VPS13B: variants seen among roughly 807,000 people sequenced by gnomAD.
VPS13B encodes the protein vacuolar protein sorting 13 homolog B.
In VPS13B, 285 loss-of-function variants were observed where a neutral mutation model predicts 426.4. The ratio of observed to expected loss-of-function variants is 0.67; its 90% confidence interval spans 0.61 to 0.74. VPS13B has a LOEUF of 0.74. Ranked by LOEUF, VPS13B falls within the 30% of genes least tolerant of loss-of-function variation. The probability of loss-of-function intolerance (pLI) is 0.00; values close to 1 mark genes in which losing one functional copy is unlikely to be tolerated. For missense variants in VPS13B, 4,537 were observed against 4,782.6 expected, an observed-to-expected ratio of 0.95 and a Z score of 1.51; for synonymous variants, 1,676 against 1,676.4, an observed-to-expected ratio of 1.00 and a Z score of 0.01.
At chr8:99,422,490 G>C (rs1816431035) in intron 21 of VPS13B, among the ~76,000 whole-genome samples, 1 of 152,008 alleles carries the variant, frequency 6.6e-6, no homozygotes, top group Non-Finnish European at 1.5e-5. Flanking sequence ...TCATCGGTAG[G>C]TTTTTAAATT....
intron 19 of VPS13B, among the ~76,000 whole-genome samples, chr8:99,298,203 T>C (rs1306861121): frequency 6.6e-6 from 1 of 152,208 alleles, no homozygotes; most frequent in African/African-American, 2.4e-5. Context: ...AATATACTTT[T>C]GTCGGCCGGG....
At chr8:99,547,186 CATA>C (rs1174441181) in intron 30 of VPS13B, among the ~76,000 whole-genome samples, 1 of 152,054 alleles carries the variant, frequency 6.6e-6, no homozygotes, top group African/African-American at 2.4e-5. Context: ...CCTTCTGAAT[CATA>C]ATGTCTAAAG....
At chr8:99,594,626 A>G (rs896340076) in intron 33 of VPS13B, among the ~76,000 whole-genome samples, 5 of 151,984 alleles carry the variant, frequency 3.3e-5, no homozygotes, top group Non-Finnish European at 7.4e-5. Context: ...TTATGCTCCA[A>G]TGTCCTATTT....
intron 21 of VPS13B, among the ~76,000 whole-genome samples, chr8:99,395,050 C>A (rs929909284): frequency 1.3e-5 from 2 of 152,148 alleles, no homozygotes; most frequent in African/African-American, 4.8e-5. Context: ...ATAGGCAGTG[C>A]AGGAGTGTGA....
At position 99,102,984 on chromosome 8, in the gene VPS13B, A is replaced by G; in HGVS notation, c.444A>G (p.Val148=). 1 of 1,611,618 alleles carries G rather than the reference A, an allele frequency of 6.2e-7. No homozygotes were observed. The highest frequency in any genetic ancestry group is 8.5e-7 in the Non-Finnish European group (1 of 1,177,958). Residue 148 remains valine, a synonymous_variant, in exon 5 of 62, where the codon GTA becomes GTG. Transcript: ENST00000357162. Reference sequence around the variant, plus strand: ...TGCAGAGTCTGATTAGACGAGTTGTAAATAATGTAAACATTGTGATAAATA... The same window carrying G: ...TGCAGAGTCTGATTAGACGAGTTGTGAATAATGTAAACATTGTGATAAATA... The part of the protein sequence containing the change: ...GYVQSLIRRV[V]NNVNIVINNL...
chr8:99,614,840 A>G (rs1205819778), intron 33 of VPS13B, among the ~76,000 whole-genome samples: 1 of 152,130 alleles, frequency 6.6e-6, no homozygotes, highest in African/African-American at 2.4e-5. Flanking sequence ...CTTGCCAGCC[A>G]GATGCGGTGG....
chr8:99,839,554 G>C (rs931422062), intron 54 of VPS13B, among the ~76,000 whole-genome samples: 2 of 152,224 alleles, frequency 1.3e-5, no homozygotes, highest in Non-Finnish European at 2.9e-5. Flanking sequence ...GGCTTAAAGA[G>C]TAATCAGCTA....
Position 99,520,897 on chromosome 8 carries a change from A to G in VPS13B, c.4634-2A>G, listed in dbSNP as rs2133668102. 1 of 1,613,104 alleles carries G rather than the reference A, an allele frequency of 6.2e-7. No homozygotes were observed. Among genetic ancestry groups the G allele is most frequent in the Middle Eastern group, 1.7e-4 (1 of 6,054 alleles). ...TTCATGAATCTCCTTCTTTTGTTAC[A>G]GCTAATCAGGCAGCAAAAGAAGACA... On this transcript the variant is annotated splice_acceptor_variant, in intron 29 of 61. Coordinates refer to ENST00000357162, the MANE Select transcript of VPS13B (RefSeq NM_152564.5). LOFTEE classifies it high-confidence loss of function.
At chr8:99,441,513 C>T (rs927662071) in intron 22 of VPS13B, among the ~76,000 whole-genome samples, 2 of 152,026 alleles carry the variant, frequency 1.3e-5, no homozygotes, top group Non-Finnish European at 2.9e-5. Context: ...TTTGTATTTT[C>T]TCAATAACTT....
At chr8:99,618,249 TTTCCTTTATAATA>T (rs1828191598) in intron 33 of VPS13B, among the ~76,000 whole-genome samples, 1 of 151,430 alleles carries the variant, frequency 6.6e-6, no homozygotes, top group African/African-American at 2.4e-5. Flanking sequence ...TATTAATGTA[TTTCCTTTATAATA>T]ATTCTTCATG....
intron 30 of VPS13B, among the ~76,000 whole-genome samples, chr8:99,529,939 C>T (rs1202512208): frequency 2.0e-5 from 3 of 152,164 alleles, no homozygotes; most frequent in Non-Finnish European, 2.9e-5. Context: ...TTACATAAGA[C>T]ACTTGTTCAA....
rs539817337 is a variant in VPS13B at position 99,573,059 on chromosome 8, A to G, written c.4950-2599A>G. Among the ~76,000 whole-genome samples, 574 of 152,248 alleles carry G rather than the reference A, an allele frequency of 3.8e-3. 2 individuals are homozygous for G. Among genetic ancestry groups the G allele is most frequent in the Non-Finnish European group, 5.1e-3 (347 of 68,020 alleles). ...TGCATTTCTCTGATGACCAGTGATG[A>G]TGAGCATTTTTTCACATGTTTTTTG... On this transcript the variant is annotated intron_variant, in intron 31 of 61. Coordinates refer to ENST00000357162, the MANE Select transcript of VPS13B (RefSeq NM_152564.5).
intron 5 of VPS13B, among the ~76,000 whole-genome samples, chr8:99,107,605 C>T (rs914680905): frequency 6.6e-6 from 1 of 152,042 alleles, no homozygotes; most frequent in Admixed American, 6.5e-5. Flanking sequence ...CTATCATCTC[C>T]CATGTGGTTG....
intron 17 of VPS13B, chr8:99,209,667 G>T: frequency 1.2e-6 from 1 of 862,948 alleles, no homozygotes; most frequent in South Asian, 4.3e-5. Flanking sequence ...TCAACCTCCT[G>T]AAGTGCCGGG....
Position 99,778,921 on chromosome 8 carries a change from G to A in VPS13B, c.7669G>A (p.Asp2557Asn), listed in dbSNP as rs773242093. 362 of 1,613,790 alleles carry A rather than the reference G, an allele frequency of 2.2e-4. No homozygotes were observed. The highest frequency in any genetic ancestry group is 7.4e-4 in the East Asian group (33 of 44,862). Reference protein sequence around the residue: ...SIFGQMAVSSDVVEKLLDCTV... With the variant: ...SIFGQMAVSSNVVEKLLDCTV... The stretch of plus-strand genomic sequence containing the variant: ...CTTCGGGCAGATGGCAGTTTCCAGC[G>A]ATGTAGTGGAAAAGCTGCTTGACTG... Residue 2557 changes from aspartate to asparagine, a missense_variant, in exon 42 of 62, where the codon GAT becomes AAT. By Grantham distance (23) the Asp-to-Asn change is conservative. This residue lies in a region of VPS13B where 4,311 missense variants were observed against 4,474.3 expected (regional missense o/e 0.96). Transcript: ENST00000357162.
At position 99,442,587 on chromosome 8, in the gene VPS13B, C is replaced by T. The variant is rs781781537; in HGVS notation, c.3397C>T (p.Pro1133Ser). The stretch of plus-strand genomic sequence containing the variant: ...TAGTGCTGGGCACAAGTATATGGAA[C>T]CTCTGCAGGAGATTCCATTTGTTAT... ...IISAGHKYME[P>S]LQEIPFVIPR... Residue 1133 changes from proline (P) to serine (S), a missense_variant, in exon 23 of 62, where the codon CCT (proline) becomes TCT (serine). By Grantham distance (74) the Pro-to-Ser change is moderately conservative. Coordinates refer to ENST00000357162, the MANE Select transcript of VPS13B (RefSeq NM_152564.5). 9.3e-6 allele frequency: 15 copies of T among 1,613,934 alleles called. No homozygotes were observed. The highest frequency in any genetic ancestry group is 1.3e-5 in the Non-Finnish European group (15 of 1,179,898).
At chr8:99,160,966 A>G (rs538312768) in intron 15 of VPS13B, among the ~76,000 whole-genome samples, 8 of 152,324 alleles carry the variant, frequency 5.3e-5, no homozygotes, top group African/African-American at 1.7e-4. Flanking sequence ...TGGTGGAAGA[A>G]CAACAGATCA....
chr8:99,366,483 A>G (rs1812896498), intron 19 of VPS13B, among the ~76,000 whole-genome samples: 1 of 149,338 alleles, frequency 6.7e-6, no homozygotes, highest in South Asian at 2.1e-4. Flanking sequence ...TTTATGGGTG[A>G]AGTGTGTTTC....
At chr8:99,034,817 A>T (rs1842671920) in intron 2 of VPS13B, among the ~76,000 whole-genome samples, 1 of 151,990 alleles carries the variant, frequency 6.6e-6, no homozygotes, top group African/African-American at 2.4e-5. Context: ...GGATTTGCCG[A>T]GCTCCTCATT....
Sources: allele counts gnomAD v4.1 joint callset (sites outside exome capture counted in the v4.1 genomes callset), GRCh38; gene constraint gnomAD v4.1.1; regional missense constraint gnomAD v4.1.1; transcripts MANE v1.5; gene names NCBI Gene and HGNC (gene_info 2026-07-23, HGNC 2026-07-21).